RFX3: variants seen among roughly 807,000 people sequenced by gnomAD.
The protein encoded by RFX3 is regulatory factor X3.
A neutral mutation model predicts 98.6 loss-of-function variants in RFX3; 14 were observed. The ratio of observed to expected loss-of-function variants is 0.14; its 90% CI spans 0.09 to 0.22. RFX3 has a LOEUF of 0.22. RFX3 is among the 10% of genes least tolerant of loss of function. RFX3 has a pLI of 1.00. For synonymous variants in RFX3, 383 were observed against 328.4 expected (o/e 1.17, Z -1.80); for missense variants, 639 against 926.9 (o/e 0.69, Z 4.03).
intron 2 of RFX3, among the ~76,000 whole-genome samples, chr9:3,390,680 T>C (rs975340343): frequency 4.6e-5 from 7 of 152,136 alleles, no homozygotes; most frequent in Non-Finnish European, 8.8e-5. Context: ...TGAGATCTGA[T>C]GGTTTTAAAA....
At chr9:3,303,999 G>A (rs1302628374) in intron 4 of RFX3, among the ~76,000 whole-genome samples, 1 of 151,976 alleles carries the variant, frequency 6.6e-6, no homozygotes, top group East Asian at 1.9e-4. Context: ...GAATGGAAAG[G>A]AAGAAATATG....
Position 3,524,876 on chromosome 9 carries a change from CA to C in RFX3, c.-9+870del, listed in dbSNP as rs1252537851. ...ACACACACACACACACACACACACA[CA>C]CCAAAGAAGAGAGAGGAGACAGACT... On this transcript the variant is annotated intron_variant, in intron 1 of 16. Transcript: ENST00000617270. Among the ~76,000 whole-genome samples, 641 of 90,006 alleles carry C rather than the reference CA, an allele frequency of 7.1e-3. 5 individuals are homozygous for C. Among genetic ancestry groups the C allele is most frequent in the Middle Eastern group, 0.023 (4 of 172 alleles). 59.0% of individuals were successfully genotyped at this position (90,006 alleles called of 152,430 possible). A position where few individuals can be genotyped will look rare whatever the true frequency, so the allele number is the denominator to read the frequency against.
intron 1 of RFX3, among the ~76,000 whole-genome samples, chr9:3,433,236 GCCTGCCTCC>G (rs1483297631): frequency 2.0e-5 from 3 of 151,994 alleles, no homozygotes; most frequent in Non-Finnish European, 4.4e-5. Flanking sequence ...CACAAAGTGT[GCCTGCCTCC>G]CCTTCTACCT....
intron 1 of RFX3, among the ~76,000 whole-genome samples, chr9:3,521,745 A>C (rs1818729801): frequency 6.6e-6 from 1 of 152,196 alleles, no homozygotes; most frequent in Non-Finnish European, 1.5e-5. Flanking sequence ...AACAAAAACA[A>C]CACCTATTTC....
At chr9:3,496,870 T>C (rs1851141511) in intron 1 of RFX3, among the ~76,000 whole-genome samples, 1 of 152,020 alleles carries the variant, frequency 6.6e-6, no homozygotes, top group Admixed American at 6.6e-5. Context: ...TTAAAGATAC[T>C]TGTGTATGTG....
chr9:3,425,679 G>A (rs1428485418), intron 1 of RFX3, among the ~76,000 whole-genome samples: 1 of 152,100 alleles, frequency 6.6e-6, no homozygotes. Flanking sequence ...ATAAGTCAAT[G>A]TATTCTTAAT....
At chr9:3,309,999 G>A (rs1829776470) in intron 4 of RFX3, among the ~76,000 whole-genome samples, 1 of 152,184 alleles carries the variant, frequency 6.6e-6, no homozygotes, top group Admixed American at 6.6e-5. Flanking sequence ...TACAAAAGAG[G>A]CTTTGTGTGA....
Position 3,221,143 on chromosome 9 carries a change from T to G in RFX3, c.*3899A>C, listed in dbSNP as rs971710475. ...GGTGACTTGCCAAGTTTTTTCTTTCTACTTGTGTCCACACAGGGAGGACCA... is the reference window on the plus strand; with the variant it reads ...GGTGACTTGCCAAGTTTTTTCTTTCGACTTGTGTCCACACAGGGAGGACCA... On this transcript the variant is annotated 3_prime_UTR_variant, in exon 17 of 17. Coordinates refer to ENST00000617270, the MANE Select transcript of RFX3 (RefSeq NM_001282116.2). 1 of 152,184 alleles carries G rather than the reference T, an allele frequency of 6.6e-6. No homozygotes were observed. The allele number at this position is 152,184 out of a possible 1,614,324, so 9.4% of individuals were successfully genotyped here.
Position 3,263,038 on chromosome 9 carries a change from G to A in RFX3, c.1502C>T (p.Ser501Leu), listed in dbSNP as rs1459967938. 6.2e-7 allele frequency: 1 copy of A among 1,613,840 alleles called. No individual in the cohort carries two copies. Among genetic ancestry groups the A allele is most frequent in the Non-Finnish European group, 8.5e-7 (1 of 1,179,784 alleles). ...AGCTGCCTGGGCCAGGTGATTAAGC[G>A]ACGTGTATCTTCGCAGAGTCTGGGC... ...AFAQTLRRYTSLNHLAQAARA... is the reference protein window; with the variant it reads ...AFAQTLRRYTLLNHLAQAARA... Residue 501 changes from serine to leucine, a missense_variant, in exon 13 of 17, where the codon TCG becomes TTG. Transcript: ENST00000617270.
chr9:3,386,300 A>G (rs1327426998), intron 2 of RFX3, among the ~76,000 whole-genome samples: 2 of 152,122 alleles, frequency 1.3e-5, no homozygotes, highest in East Asian at 1.9e-4. Flanking sequence ...TACTATTACT[A>G]CTATTAATAA....
chr9:3,291,538 A>C (rs1827356463), intron 6 of RFX3, among the ~76,000 whole-genome samples: 1 of 152,122 alleles, frequency 6.6e-6, no homozygotes. Context: ...AGAACTATCC[A>C]CTTCATCAGA....
chr9:3,324,811 A>C (rs1831724607), intron 4 of RFX3, among the ~76,000 whole-genome samples: 1 of 152,016 alleles, frequency 6.6e-6, no homozygotes, highest in Admixed American at 6.6e-5. Context: ...AAAAATACAA[A>C]AAATTAGCCA....
At chr9:3,274,781 C>A (rs1824974559) in intron 9 of RFX3, among the ~76,000 whole-genome samples, 1 of 151,984 alleles carries the variant, frequency 6.6e-6, no homozygotes, top group African/African-American at 2.4e-5. Context: ...CCCAGTCACC[C>A]AGTTTCCTTC....
intron 3 of RFX3, among the ~76,000 whole-genome samples, chr9:3,343,938 A>G (rs767552335): frequency 2.6e-5 from 4 of 152,196 alleles, no homozygotes; most frequent in African/African-American, 4.8e-5. Flanking sequence ...ACATGTTAGC[A>G]CTAAATATTT....
intron 1 of RFX3, among the ~76,000 whole-genome samples, chr9:3,416,347 G>C (rs1004212189): frequency 1.3e-5 from 2 of 152,124 alleles, no homozygotes; most frequent in Non-Finnish European, 2.9e-5. Flanking sequence ...AAGATTACTA[G>C]AGTTCAAATC....
intron 1 of RFX3, among the ~76,000 whole-genome samples, chr9:3,482,050 A>C (rs993924820): frequency 1.3e-5 from 2 of 152,088 alleles, no homozygotes; most frequent in Non-Finnish European, 2.9e-5. Context: ...GAATTCATAT[A>C]AAGAAAATAA....
At chr9:3,338,863 G>C (rs1489935900) in intron 3 of RFX3, among the ~76,000 whole-genome samples, 3 of 152,178 alleles carry the variant, frequency 2.0e-5, no homozygotes, top group African/African-American at 7.2e-5. Flanking sequence ...GCCAAGACAG[G>C]CAGATCACAA....
intron 2 of RFX3, among the ~76,000 whole-genome samples, chr9:3,349,079 GA>G (rs1361281754): frequency 6.6e-6 from 1 of 151,886 alleles, no homozygotes; most frequent in Non-Finnish European, 1.5e-5. Context: ...CATATTTTTT[GA>G]AGGATAAAAA....
In RFX3 at chr9:3,373,855, G is replaced by A. The variant is rs140581941; in HGVS notation, c.117+21617C>T. On this transcript the variant is annotated intron_variant, in intron 2 of 16. Transcript: ENST00000617270. ...GCACTTTGGGAGGCAGAGGCAGGCA[G>A]ATCACGAAGTCAGGAGATCAAGACC... Among the ~76,000 whole-genome samples, 78 of 152,324 alleles carry A rather than the reference G, an allele frequency of 5.1e-4. 1 individual carries two copies. The East Asian group carries it at 0.013, about 26-fold the overall frequency.
Sources: allele counts gnomAD v4.1 joint callset (sites outside exome capture counted in the v4.1 genomes callset), GRCh38; gene constraint gnomAD v4.1.1; transcripts MANE v1.5; gene names NCBI Gene and HGNC (gene_info 2026-07-23, HGNC 2026-07-21).